RETREG1: variants seen among roughly 807,000 people sequenced by gnomAD.
The protein encoded by RETREG1 is family with sequence similarity 134 member B.
RETREG1 carries 44 observed loss-of-function variants against 54.8 expected under a neutral mutation model. The ratio of observed to expected loss-of-function variants is 0.80; its 90% CI spans 0.63 to 1.03. The LOEUF is 1.03. RETREG1 is among the 50% of genes least tolerant of loss of function. The probability of loss-of-function intolerance (pLI) is 0.00; values close to 1 mark genes in which losing one functional copy is unlikely to be tolerated. For missense variants in RETREG1, 554 were observed against 605.1 expected (o/e 0.92, Z 0.89); for synonymous variants, 217 against 238.5 (o/e 0.91, Z 0.83).
At chr5:16,477,881 AAT>A in intron 7 of RETREG1, 93 bp from the exon 8 acceptor site, 1 of 1,499,990 alleles carries the variant, frequency 6.7e-7, no homozygotes, top group Non-Finnish European at 9.2e-7. Flanking sequence ...ATGACAGAGT[AAT>A]AAAAACCAAA....
intron 1 of RETREG1, among the ~76,000 whole-genome samples, chr5:16,605,769 C>G (rs1245256801): frequency 6.6e-6 from 1 of 152,178 alleles, no homozygotes; most frequent in Non-Finnish European, 1.5e-5. Context: ...TTGCAGATGG[C>G]ACCTTCTTGC....
At chr5:16,521,135 G>A (rs1474531528) in intron 3 of RETREG1, among the ~76,000 whole-genome samples, 1 of 152,122 alleles carries the variant, frequency 6.6e-6, no homozygotes, top group Non-Finnish European at 1.5e-5. Flanking sequence ...CCTGGAACTG[G>A]TTTTATTCCT....
In RETREG1 at chr5:16,594,359, C is replaced by T. The variant is rs1053054593; in HGVS notation, c.321-22257G>A. On this transcript the variant is annotated intron_variant, in intron 1 of 8. Transcript: ENST00000306320. The surrounding 1 kb of genome is among the most constrained non-coding windows in gnomAD (Gnocchi z 4.4). ...TGTGACTGAATGAAAATGAGCCAAACGTGAAATGTCATTGTTAAATATCTT... is the reference window on the plus strand; with the variant it reads ...TGTGACTGAATGAAAATGAGCCAAATGTGAAATGTCATTGTTAAATATCTT... Among the ~76,000 whole-genome samples, 1 of 152,138 alleles carries T rather than the reference C, an allele frequency of 6.6e-6. No homozygotes were observed. The highest frequency in any genetic ancestry group is 1.5e-5 in the Non-Finnish European group (1 of 68,020).
At chr5:16,477,879 GT>G in intron 7 of RETREG1, 91 bp from the exon 8 acceptor site, 1 of 1,519,776 alleles carries the variant, frequency 6.6e-7, no homozygotes, top group Non-Finnish European at 9.1e-7. Context: ...AAATGACAGA[GT>G]AATAAAAACC....
chr5:16,581,499 T>G (rs1308601400), intron 1 of RETREG1, among the ~76,000 whole-genome samples: 4 of 147,938 alleles, frequency 2.7e-5, no homozygotes, highest in Non-Finnish European at 5.9e-5. Flanking sequence ...TTTTTATCCT[T>G]AAAATACTTT....
At chr5:16,545,203 T>C (rs1741351981) in intron 3 of RETREG1, among the ~76,000 whole-genome samples, 3 of 152,194 alleles carry the variant, frequency 2.0e-5, no homozygotes, top group Admixed American at 2.0e-4. Flanking sequence ...CAAATTCTGC[T>C]TGCTTCCTCA....
chr5:16,586,906 G>A (rs1742639348), intron 1 of RETREG1, among the ~76,000 whole-genome samples: 1 of 152,210 alleles, frequency 6.6e-6, no homozygotes, highest in Non-Finnish European at 1.5e-5. Flanking sequence ...CTGATTCAGA[G>A]ATGGCAACTT....
intron 3 of RETREG1, among the ~76,000 whole-genome samples, chr5:16,553,939 T>C (rs1049558508): frequency 2.0e-5 from 3 of 152,200 alleles, no homozygotes; most frequent in Admixed American, 2.0e-4. Context: ...TCCCTCTTGT[T>C]GTCCAAAGAC....
chr5:16,498,129 T>G (rs77852790), intron 3 of RETREG1, among the ~76,000 whole-genome samples: 2,853 of 152,324 alleles, frequency 0.019, 32 homozygotes, highest in Non-Finnish European at 0.031. Flanking sequence ...TATTTCGGAA[T>G]GGAGAAACTA....
At chr5:16,574,191 G>A (rs532321659) in intron 1 of RETREG1, among the ~76,000 whole-genome samples, 1 of 47,496 alleles carries the variant, frequency 2.1e-5, no homozygotes, top group South Asian at 4.6e-4. Flanking sequence ...GGCACATCAA[G>A]TAATCTGGGG....
At chr5:16,601,291 T>C (rs962833112) in intron 1 of RETREG1, among the ~76,000 whole-genome samples, 4 of 97,652 alleles carry the variant, frequency 4.1e-5, no homozygotes, top group Admixed American at 2.1e-4. Context: ...TCGCTTAAGC[T>C]ATGATCTCAC....
rs937176400 is a variant in RETREG1 at position 16,474,998 on chromosome 5, C to T, written c.1237G>A (p.Ala413Thr). The change falls in exon 9 of 9, where the codon GCT becomes ACT. Residue 413 changes from alanine (A) to threonine (T), a missense_variant. This residue lies in a region of RETREG1 where 347 missense variants were observed against 412.3 expected (regional missense o/e 0.84). Transcript: ENST00000306320. ...DQTFHLMSNL[A>T]GDVITAAVTA... ...ACTGCAGCTGTGATAACATCCCCAG[C>T]CAGGTTGCTCATCAGGTGAAAGGTT... 5.6e-6 allele frequency: 9 copies of T among 1,613,250 alleles called. No individual in the cohort carries two copies. Among genetic ancestry groups the T allele is most frequent in the Non-Finnish European group, 7.6e-6 (9 of 1,179,384 alleles).
chr5:16,600,063 T>G (rs1200487730), intron 1 of RETREG1, among the ~76,000 whole-genome samples: 1 of 152,108 alleles, frequency 6.6e-6, no homozygotes, highest in African/African-American at 2.4e-5. Context: ...TGCAGTGGCG[T>G]GACCTCGGCT....
chr5:16,519,879 G>GT (rs1329422100), intron 3 of RETREG1, among the ~76,000 whole-genome samples: 2 of 152,182 alleles, frequency 1.3e-5, no homozygotes, highest in Admixed American at 6.5e-5. Context: ...TCATTTGTTT[G>GT]TTATGGTCTC....
intron 3 of RETREG1, among the ~76,000 whole-genome samples, chr5:16,504,858 C>T (rs1277862068): frequency 6.6e-6 from 1 of 152,160 alleles, no homozygotes; most frequent in Non-Finnish European, 1.5e-5. Flanking sequence ...TGGTCAGGCT[C>T]CTGTGCCAGG....
chr5:16,612,284 T>C (rs1397666722), intron 1 of RETREG1, among the ~76,000 whole-genome samples: 3 of 152,314 alleles, frequency 2.0e-5, no homozygotes, highest in African/African-American at 4.8e-5. Flanking sequence ...CATTTGACTG[T>C]ATACTTACAG....
intron 3 of RETREG1, among the ~76,000 whole-genome samples, chr5:16,485,671 C>T (rs1418646703): frequency 6.6e-6 from 1 of 152,102 alleles, no homozygotes. Context: ...AATGTTAGAA[C>T]AAAGACTTCA....
At chr5:16,492,198 T>TCC (rs1739272426) in intron 3 of RETREG1, among the ~76,000 whole-genome samples, 1 of 106,982 alleles carries the variant, frequency 9.3e-6, no homozygotes, top group Non-Finnish European at 2.0e-5. Context: ...GACAGTGTTG[T>TCC]CCTCTCTCTC....
intron 1 of RETREG1, among the ~76,000 whole-genome samples, chr5:16,591,049 T>C (rs1048807357): frequency 1.1e-4 from 16 of 152,064 alleles, no homozygotes; most frequent in Admixed American, 9.2e-4. Flanking sequence ...TAAATATCTA[T>C]CATAGCACAG....
Sources: allele counts gnomAD v4.1 joint callset (sites outside exome capture counted in the v4.1 genomes callset), GRCh38; gene constraint gnomAD v4.1.1; regional missense constraint gnomAD v4.1.1; non-coding constraint Gnocchi (gnomAD v3.1); transcripts MANE v1.5; gene names NCBI Gene and HGNC (gene_info 2026-07-23, HGNC 2026-07-21).